KSR2: variants seen among roughly 807,000 people sequenced by gnomAD.
KSR2 encodes kinase suppressor of ras 2.
A neutral mutation model predicts 107.8 loss-of-function variants in KSR2; 25 were observed. The observed-to-expected ratio is 0.23, with a 90% CI of 0.17 to 0.32. The LOEUF is 0.32. Ranked by LOEUF, KSR2 falls within the 10% of genes least tolerant of loss-of-function variation. The pLI, the probability that KSR2 is intolerant of heterozygous loss-of-function variation, is 1.00. For synonymous variants in KSR2, 480 were observed against 507.0 expected (o/e 0.95, Z 0.71); for missense variants, 887 against 1,268.9 (o/e 0.70, Z 4.57).
At chr12:117,640,232 CT>C (rs1335408156) in intron 5 of KSR2, among the ~76,000 whole-genome samples, 2 of 111,666 alleles carry the variant, frequency 1.8e-5, no homozygotes, top group African/African-American at 5.1e-5. Flanking sequence ...CAATGAAGCT[CT>C]TTTTTTTTCT....
intron 14 of KSR2, among the ~76,000 whole-genome samples, 174 bp downstream of exon 14, chr12:117,524,678 A>AT (rs1388679266): frequency 6.6e-6 from 1 of 152,218 alleles, no homozygotes; most frequent in African/African-American, 2.4e-5. Context: ...AAAAAAACAA[A>AT]TAAGTAAAGT....
At chr12:117,774,029 A>G (rs1269455465) in intron 3 of KSR2, among the ~76,000 whole-genome samples, 1 of 152,188 alleles carries the variant, frequency 6.6e-6, no homozygotes, top group African/African-American at 2.4e-5. Flanking sequence ...TTACACAGCT[A>G]GTAAGTGGTA....
At chr12:117,795,918 GTGT>G (rs1305667329) in intron 3 of KSR2, among the ~76,000 whole-genome samples, 2 of 152,066 alleles carry the variant, frequency 1.3e-5, no homozygotes, top group African/African-American at 4.8e-5. Flanking sequence ...GCCAAAGCCT[GTGT>G]TGTTGTTATT....
intron 12 of KSR2, among the ~76,000 whole-genome samples, chr12:117,527,348 GACAC>G (rs61441669): frequency 0.033 from 3,510 of 106,254 alleles, 147 homozygotes; most frequent in African/African-American, 0.11. Context: ...CACACACACA[GACAC>G]ACACACACAC....
At chr12:117,651,912 T>C (rs1883920571) in intron 5 of KSR2, among the ~76,000 whole-genome samples, 1 of 152,172 alleles carries the variant, frequency 6.6e-6, no homozygotes, top group Non-Finnish European at 1.5e-5. Flanking sequence ...AAAATTTACA[T>C]ACAAGGGGAA....
chr12:117,528,146 T>C (rs905548743), intron 12 of KSR2, among the ~76,000 whole-genome samples: 2 of 152,042 alleles, frequency 1.3e-5, no homozygotes, highest in Admixed American at 6.6e-5. Flanking sequence ...TGCATGTGAG[T>C]TGGGTGTACA....
intron 14 of KSR2, among the ~76,000 whole-genome samples, chr12:117,486,705 G>A (rs1458537875): frequency 6.6e-6 from 1 of 152,212 alleles, no homozygotes; most frequent in Non-Finnish European, 1.5e-5. Context: ...GTTGAAGCAA[G>A]AGCGCTGGCA....
chr12:117,817,167 A>G (rs990770366), intron 3 of KSR2, among the ~76,000 whole-genome samples: 8 of 152,214 alleles, frequency 5.3e-5, no homozygotes, highest in African/African-American at 1.9e-4. Flanking sequence ...AAAAGTTTCA[A>G]TAAGCCATTT....
chr12:117,642,960 C>T (rs1883447418), intron 5 of KSR2, among the ~76,000 whole-genome samples: 1 of 152,178 alleles, frequency 6.6e-6, no homozygotes, highest in Non-Finnish European at 1.5e-5. Context: ...CTTTTATCTG[C>T]TCATTCATCT....
At chr12:117,712,128 TG>T (rs1192790519) in intron 4 of KSR2, among the ~76,000 whole-genome samples, 1 of 152,222 alleles carries the variant, frequency 6.6e-6, no homozygotes, top group Non-Finnish European at 1.5e-5. Context: ...CCAGGCTTCT[TG>T]GTCCTTGTCC....
chr12:117,555,759 T>C (rs1877647714), intron 8 of KSR2, among the ~76,000 whole-genome samples: 1 of 152,192 alleles, frequency 6.6e-6, no homozygotes, highest in South Asian at 2.1e-4. Context: ...TAAACAACTT[T>C]GGATCCCTGA....
intron 3 of KSR2, among the ~76,000 whole-genome samples, chr12:117,793,163 C>A (rs1325750736): frequency 7.0e-6 from 1 of 143,730 alleles, no homozygotes; most frequent in African/African-American, 2.7e-5. Flanking sequence ...TATGCACGCA[C>A]ACCAACATGT....
At chr12:117,913,552 G>C (rs1231228201) in intron 1 of KSR2, among the ~76,000 whole-genome samples, 6 of 152,134 alleles carry the variant, frequency 3.9e-5, no homozygotes, top group African/African-American at 7.2e-5. Flanking sequence ...TCCAATGAAG[G>C]CATCCTTGTA....
At position 117,551,531 on chromosome 12, in the gene KSR2, G is replaced by T. The variant is rs545158191; in HGVS notation, c.1518+3638C>A. 2.6e-5 allele frequency among the ~76,000 whole-genome samples: 4 copies of T among 152,282 alleles called. No individual in the cohort carries two copies. In the South Asian group the frequency reaches 8.3e-4, roughly 32 times the overall value. On this transcript the variant is annotated intron_variant, in intron 9 of 19. Coordinates refer to ENST00000339824, the MANE Select transcript of KSR2 (RefSeq NM_173598.6). ...CAGTCGTACAGCAAGTTAAAGAGCT[G>T]AGTTGCAAGCTCAGACTTCCTGTTT...
intron 3 of KSR2, among the ~76,000 whole-genome samples, chr12:117,827,955 A>T (rs1891818631): frequency 6.6e-6 from 1 of 152,202 alleles, no homozygotes; most frequent in Non-Finnish European, 1.5e-5. Flanking sequence ...TCCACAATTC[A>T]GCTTTTTAAA....
chr12:117,766,694 T>C (rs1889241226), intron 3 of KSR2, among the ~76,000 whole-genome samples: 1 of 151,836 alleles, frequency 6.6e-6, no homozygotes, highest in Admixed American at 6.6e-5. Context: ...GAAGGCAGCC[T>C]GGAGGAGGTG....
chr12:117,757,144 T>C (rs928475790), intron 4 of KSR2, among the ~76,000 whole-genome samples: 1 of 151,894 alleles, frequency 6.6e-6, no homozygotes, highest in Non-Finnish European at 1.5e-5. Flanking sequence ...GGTCAAAATA[T>C]CAACATTAAC....
At chr12:117,810,030 C>T (rs1182939828) in intron 3 of KSR2, among the ~76,000 whole-genome samples, 2 of 152,150 alleles carry the variant, frequency 1.3e-5, no homozygotes, top group African/African-American at 4.8e-5. Flanking sequence ...AACAGCAGCT[C>T]TCAGCTAGGA....
intron 4 of KSR2, among the ~76,000 whole-genome samples, chr12:117,735,896 G>C (rs1379010758): frequency 6.6e-6 from 1 of 152,180 alleles, no homozygotes. Context: ...AGAATTTAGG[G>C]CTTTGGGAAA....
Sources: gnomAD v4.1 joint callset for allele counts (sites outside exome capture counted in the v4.1 genomes callset) on GRCh38, gnomAD v4.1.1 for gene constraint, MANE v1.5 for transcripts, NCBI Gene and HGNC (gene_info 2026-07-23, HGNC 2026-07-21) for gene names.